The following PIK3C2G variants were observed in gnomAD, a reference collection of about 807,000 sequenced individuals.
PIK3C2G encodes the protein phosphatidylinositol 3-kinase C2 domain-containing subunit gamma.
Under a neutral mutation model 181.1 loss-of-function variants are expected in PIK3C2G, and 168 were observed. That is an observed-to-expected ratio of 0.93 (90% confidence interval 0.82 to 1.05). The LOEUF (loss-of-function observed/expected upper bound fraction) is 1.05. Among genes scored for constraint, PIK3C2G ranks in the 50% least tolerant of loss-of-function variants. PIK3C2G has a pLI of 0.00. For synonymous variants in PIK3C2G, 573 were observed against 592.2 expected, an observed-to-expected ratio of 0.97 and a Z score of 0.47; for missense variants, 1,869 against 1,732.8, an observed-to-expected ratio of 1.08 and a Z score of -1.40.
chr12:18,448,510 A>G (rs980265488), intron 18 of PIK3C2G, among the ~76,000 whole-genome samples: 1 of 152,132 alleles, frequency 6.6e-6, no homozygotes, highest in Admixed American at 6.6e-5. Flanking sequence ...TGCAGCATAT[A>G]CAACTGCATC....
At chr12:18,558,798 C>T (rs1204547028) in intron 26 of PIK3C2G, among the ~76,000 whole-genome samples, 2 of 152,160 alleles carry the variant, frequency 1.3e-5, no homozygotes, top group Non-Finnish European at 2.9e-5. Flanking sequence ...TTATCTACCC[C>T]CATACTTCCT....
At chr12:18,409,349 A>C (rs34306753) in intron 16 of PIK3C2G, among the ~76,000 whole-genome samples, 2,062 of 152,194 alleles carry the variant, frequency 0.014, 20 homozygotes, top group Non-Finnish European at 0.023. Flanking sequence ...TTGAATAATG[A>C]GAACACATGG....
At chr12:18,711,658 T>C in the PIK3C2G span, among the ~76,000 whole-genome samples, 2 of 151,712 alleles carry the variant, frequency 1.3e-5, no homozygotes, top group Non-Finnish European at 2.9e-5. Flanking sequence ...CTAGAGCACA[T>C]GAAAGTTGTC....
chr12:18,549,632 C>T (rs1401965057), intron 26 of PIK3C2G, among the ~76,000 whole-genome samples: 2 of 152,036 alleles, frequency 1.3e-5, no homozygotes, highest in African/African-American at 4.8e-5. Context: ...AGACCACAGT[C>T]TTCTCAAGGT....
intron 31 of PIK3C2G, among the ~76,000 whole-genome samples, chr12:18,631,634 A>C (rs1949355861): frequency 6.6e-6 from 1 of 152,212 alleles, no homozygotes; most frequent in African/African-American, 2.4e-5. Context: ...AAAAGTATTA[A>C]AATCCAGTTA....
intron 18 of PIK3C2G, among the ~76,000 whole-genome samples, chr12:18,471,264 T>C (rs898836223): frequency 1.3e-4 from 20 of 152,122 alleles, no homozygotes; most frequent in Non-Finnish European, 1.5e-5. Flanking sequence ...CTTAGTCTTC[T>C]CATGTACAAA....
chr12:18,367,046 GCTCA>G (rs1941693674), intron 12 of PIK3C2G, among the ~76,000 whole-genome samples: 1 of 151,948 alleles, frequency 6.6e-6, no homozygotes, highest in African/African-American at 2.4e-5. Context: ...TATAAAAAAA[GCTCA>G]CTAACAAGTG....
At chr12:18,725,604 T>C in the PIK3C2G span, among the ~76,000 whole-genome samples, 10 of 152,246 alleles carry the variant, frequency 6.6e-5, no homozygotes, top group Admixed American at 2.0e-4. Context: ...TCCTTTGTCT[T>C]CAAGACAAAA....
At chr12:18,653,590 C>T in the PIK3C2G span, among the ~76,000 whole-genome samples, 2,940 of 152,200 alleles carry the variant, frequency 0.019, 105 homozygotes, top group African/African-American at 0.067. Context: ...TGTATGTGTG[C>T]ATGCTATTTT....
chr12:18,410,504 C>T (rs577269502), intron 16 of PIK3C2G, among the ~76,000 whole-genome samples: 1 of 111,730 alleles, frequency 9.0e-6, no homozygotes, highest in African/African-American at 3.5e-5. Flanking sequence ...GACTCCATCT[C>T]AGAAAGAAAA....
At chr12:18,329,244 A>G (rs545823401) in intron 8 of PIK3C2G, among the ~76,000 whole-genome samples, 1 of 152,104 alleles carries the variant, frequency 6.6e-6, no homozygotes, top group Admixed American at 6.5e-5. Context: ...ATGATCTGAC[A>G]TTCTACTAGT....
rs1426621824 is a variant in PIK3C2G at position 18,598,912 on chromosome 12, G to T, written c.4087+4343G>T. 2.0e-5 allele frequency among the ~76,000 whole-genome samples: 3 copies of T among 151,640 alleles called. No individual in the cohort carries two copies. In the East Asian group the frequency reaches 5.8e-4, roughly 29 times the overall value. On this transcript the variant is annotated intron_variant, in intron 30 of 32. Transcript: ENST00000538779. ...ACATGAGAAAATGCTCACCATCACT[G>T]GCCATCAGAGAAATGCAAATCAAAA...
chr12:18,324,252 T>A (rs1951237593), intron 7 of PIK3C2G, among the ~76,000 whole-genome samples: 1 of 152,130 alleles, frequency 6.6e-6, no homozygotes, highest in South Asian at 2.1e-4. Context: ...GCCCAAATCT[T>A]TAGTTATTAT....
chr12:18,665,948 A>C, the PIK3C2G span, among the ~76,000 whole-genome samples: 1 of 151,376 alleles, frequency 6.6e-6, no homozygotes, highest in Non-Finnish European at 1.5e-5. Context: ...AAAAAAAAAA[A>C]ACTAGTTGGG....
At chr12:18,711,529 TATAATAATA>T in the PIK3C2G span, among the ~76,000 whole-genome samples, 128 of 142,468 alleles carry the variant, frequency 9.0e-4, no homozygotes, top group Non-Finnish European at 1.2e-3. Context: ...AAACTTAAAG[TATAATAATA>T]ATAATAATAA....
intron 18 of PIK3C2G, among the ~76,000 whole-genome samples, chr12:18,487,968 T>C (rs1479787420): frequency 5.3e-5 from 8 of 152,086 alleles, no homozygotes; most frequent in Non-Finnish European, 1.2e-4. Flanking sequence ...TTCCTCCAGG[T>C]AGTCCAGGGG....
chr12:18,437,785 G>A (rs1026798294), intron 18 of PIK3C2G, among the ~76,000 whole-genome samples: 1 of 151,866 alleles, frequency 6.6e-6, no homozygotes, highest in Non-Finnish European at 1.5e-5. Flanking sequence ...AATTACACAA[G>A]ACAGTCTAGA....
rs547224498 is a variant in PIK3C2G at position 18,554,802 on chromosome 12, A to G, written c.3591-7901A>G. Among the ~76,000 whole-genome samples, 37 of 152,220 alleles carry G rather than the reference A, an allele frequency of 2.4e-4. No homozygotes were observed. In the Middle Eastern group the frequency reaches 0.01, roughly 42 times the overall value. The stretch of plus-strand genomic sequence containing the variant: ...CAATGCCGAACTACTGATTTTCTTT[A>G]TGCGATAAAAGAAACTATGACAAAG... On this transcript the variant is annotated intron_variant, in intron 26 of 32. Transcript: ENST00000538779.
intron 13 of PIK3C2G, among the ~76,000 whole-genome samples, chr12:18,375,125 A>G (rs1314546501): frequency 6.6e-6 from 1 of 152,192 alleles, no homozygotes; most frequent in African/African-American, 2.4e-5. Context: ...TAACAGGCAG[A>G]GGTTGAAAGT....
Sources: allele counts gnomAD v4.1 joint callset (sites outside exome capture counted in the v4.1 genomes callset), GRCh38; gene constraint gnomAD v4.1.1; transcripts MANE v1.5; gene names NCBI Gene and HGNC (gene_info 2026-07-23, HGNC 2026-07-21).